Variants in PTPRD observed in about 807,000 individuals in gnomAD.
PTPRD encodes the protein protein tyrosine phosphatase receptor type D, also known as receptor-type tyrosine-protein phosphatase delta.
In PTPRD, 34 loss-of-function variants were observed where a neutral mutation model predicts 214.5. The ratio of observed to expected loss-of-function variants is 0.16; its 90% confidence interval spans 0.12 to 0.21. PTPRD has a LOEUF of 0.21. PTPRD is among the 10% of genes least tolerant of loss of function. PTPRD has a pLI of 1.00. For missense variants in PTPRD, 2,545 were observed against 2,398.7 expected, an observed-to-expected ratio of 1.06 and a Z score of -1.27; for synonymous variants, 1,128 against 845.7, an observed-to-expected ratio of 1.33 and a Z score of -5.79.
intron 12 of PTPRD, among the ~76,000 whole-genome samples, chr9:8,669,456 G>A (rs1414339216): frequency 6.6e-6 from 1 of 152,128 alleles, no homozygotes; most frequent in Non-Finnish European, 1.5e-5. Context: ...GTACCAGGGA[G>A]AAGGATGTGG....
At chr9:8,840,200 A>G (rs1007684722) in intron 11 of PTPRD, among the ~76,000 whole-genome samples, 1 of 152,208 alleles carries the variant, frequency 6.6e-6, no homozygotes, top group African/African-American at 2.4e-5. Context: ...TGGTTTGGCT[A>G]TGTCCCCACC....
intron 3 of PTPRD, among the ~76,000 whole-genome samples, chr9:10,323,202 TCCCTC>T (rs1197328143): frequency 2.1e-5 from 2 of 95,048 alleles, no homozygotes; most frequent in Non-Finnish European, 4.4e-5. Context: ...TCTTTCTTCT[TCCCTC>T]CCCTCCCCTC....
chr9:8,344,806 A>C (rs931930446), intron 39 of PTPRD, among the ~76,000 whole-genome samples: 2 of 151,952 alleles, frequency 1.3e-5, no homozygotes, highest in Admixed American at 6.6e-5. Flanking sequence ...TTATATTCCC[A>C]TATTTCTTAA....
intron 2 of PTPRD, among the ~76,000 whole-genome samples, chr9:10,434,625 A>T (rs2098705161): frequency 6.6e-6 from 1 of 151,974 alleles, no homozygotes; most frequent in Admixed American, 6.6e-5. Context: ...TAACAGAGTC[A>T]CAACAAAGCC....
chr9:9,292,182 CTT>C lies in PTPRD; in HGVS notation c.-203+105265_-203+105266del, dbSNP rs60668012. 4.7e-4 allele frequency among the ~76,000 whole-genome samples: 70 copies of C among 150,168 alleles called. No homozygotes were observed. In the East Asian group the frequency reaches 0.013, roughly 27 times the overall value. On this transcript the variant is annotated intron_variant, in intron 9 of 45. Transcript: ENST00000381196. The stretch of plus-strand genomic sequence containing the variant: ...TTAGATACTCTGTAATGAATGAACA[CTT>C]TTTTTTTTCTTTCCCATATCTCTCT...
intron 44 of PTPRD, among the ~76,000 whole-genome samples, chr9:8,320,785 A>C (rs1826594047): frequency 6.6e-6 from 1 of 152,126 alleles, no homozygotes; most frequent in Non-Finnish European, 1.5e-5. Context: ...TAACTCCAGA[A>C]TCTTCACGGT....
rs564496935 is a variant in PTPRD, at chr9:9,383,588, T to A, written c.-203+13861A>T. ...CAATACATTATTAAAGTTAAATGAT[T>A]TGGCTAAGAAAAAATTGTGATTCAT... On this transcript the variant is annotated intron_variant, in intron 9 of 45. Transcript: ENST00000381196. Among the ~76,000 whole-genome samples, 20 of 152,276 alleles carry A rather than the reference T, an allele frequency of 1.3e-4. 2 individuals are homozygous for A. The highest frequency in any genetic ancestry group is 4.8e-4 in the African/African-American group (20 of 41,576).
chr9:8,686,423 A>G (rs911342061), intron 12 of PTPRD, among the ~76,000 whole-genome samples: 2 of 152,186 alleles, frequency 1.3e-5, no homozygotes, highest in Non-Finnish European at 2.9e-5. Context: ...GGTCCACAAC[A>G]CAGAGCCATG....
chr9:10,019,220 C>A (rs1238445001), intron 4 of PTPRD, among the ~76,000 whole-genome samples: 3 of 151,934 alleles, frequency 2.0e-5, no homozygotes, highest in African/African-American at 4.8e-5. Context: ...ATCAAAACCA[C>A]AGTGAGATAC....
intron 10 of PTPRD, among the ~76,000 whole-genome samples, chr9:9,180,673 C>T (rs1032157224): frequency 6.6e-6 from 1 of 152,016 alleles, no homozygotes; most frequent in Non-Finnish European, 1.5e-5. Flanking sequence ...TCACATACTA[C>T]AAAAGGAAAG....
intron 5 of PTPRD, among the ~76,000 whole-genome samples, chr9:9,822,942 T>G (rs2051303473): frequency 6.6e-6 from 1 of 152,090 alleles, no homozygotes; most frequent in South Asian, 2.1e-4. Flanking sequence ...GTACTACCAT[T>G]TATTCCAGCA....
intron 7 of PTPRD, among the ~76,000 whole-genome samples, chr9:9,621,958 A>T (rs545148015): frequency 2.0e-5 from 3 of 152,340 alleles, no homozygotes; most frequent in East Asian, 3.9e-4. Flanking sequence ...TTAGGCATCC[A>T]GTCACCCATA....
At chr9:9,443,298 T>C (rs1011157898) in intron 8 of PTPRD, among the ~76,000 whole-genome samples, 3 of 152,188 alleles carry the variant, frequency 2.0e-5, no homozygotes, top group Non-Finnish European at 1.5e-5. Flanking sequence ...AACTAATCTG[T>C]TCTCTACTTC....
intron 36 of PTPRD, among the ~76,000 whole-genome samples, chr9:8,396,850 T>A (rs1340838720): frequency 2.0e-5 from 3 of 152,140 alleles, no homozygotes; most frequent in African/African-American, 7.2e-5. Context: ...CCAGGCTAAG[T>A]GCTATCTACC....
chr9:9,777,369 G>T (rs1045189557), intron 5 of PTPRD, among the ~76,000 whole-genome samples: 1 of 151,444 alleles, frequency 6.6e-6, no homozygotes, highest in African/African-American at 2.4e-5. Flanking sequence ...AAATGTTTAC[G>T]TGTCAAAAAT....
At chr9:8,356,098 A>G (rs1250692903) in intron 39 of PTPRD, among the ~76,000 whole-genome samples, 1 of 152,132 alleles carries the variant, frequency 6.6e-6, no homozygotes, top group Non-Finnish European at 1.5e-5. Flanking sequence ...CAAAAACGCA[A>G]AGTTTGCTTT....
intron 8 of PTPRD, among the ~76,000 whole-genome samples, chr9:9,547,387 C>A (rs867980262): frequency 6.6e-6 from 1 of 151,996 alleles, no homozygotes; most frequent in African/African-American, 2.4e-5. Context: ...ATTTAGGTTG[C>A]CATTCAAAAT....
At chr9:8,563,009 T>A (rs1315185785) in intron 14 of PTPRD, among the ~76,000 whole-genome samples, 3 of 152,112 alleles carry the variant, frequency 2.0e-5, no homozygotes, top group African/African-American at 7.2e-5. Context: ...GATGAGTAGA[T>A]AAATAAACTG....
intron 10 of PTPRD, among the ~76,000 whole-genome samples, chr9:9,143,208 T>G (rs1391964377): frequency 6.6e-6 from 1 of 152,194 alleles, no homozygotes; most frequent in Non-Finnish European, 1.5e-5. Flanking sequence ...AGAGCAACCA[T>G]CTCATTTGAT....
Sources: gnomAD v4.1 joint callset for allele counts (sites outside exome capture counted in the v4.1 genomes callset) on GRCh38, gnomAD v4.1.1 for gene constraint, MANE v1.5 for transcripts, NCBI Gene and HGNC (gene_info 2026-07-23, HGNC 2026-07-21) for gene names.